The following CNTNAP3 variants were observed in gnomAD, a reference collection of about 807,000 sequenced individuals.
The protein encoded by CNTNAP3 is contactin associated protein family member 3, also known as contactin-associated protein-like 3.
CNTNAP3 carries 36 observed loss-of-function variants against 92.1 expected under a neutral mutation model. The ratio of observed to expected loss-of-function variants is 0.39; its 90% confidence interval spans 0.30 to 0.52. The LOEUF (loss-of-function observed/expected upper bound fraction) is 0.52, where lower values mean the gene tolerates loss of function less well. Ranked by LOEUF, CNTNAP3 falls within the 20% of genes least tolerant of loss-of-function variation. CNTNAP3 has a pLI of 0.76. For missense variants in CNTNAP3, 534 were observed against 1,069.6 expected (o/e 0.50, Z 6.98); for synonymous variants, 232 against 422.3 (o/e 0.55, Z 5.53).
Position 39,125,818 on chromosome 9 carries a change from A to G in CNTNAP3, c.2080+7114T>C, listed in dbSNP as rs545576617. Reference sequence around the variant, plus strand: ...ATGTGTATATACCTAGCAACAGAAGAGTCAAAATATATTAGGGGGAAACTG... The same window carrying G: ...ATGTGTATATACCTAGCAACAGAAGGGTCAAAATATATTAGGGGGAAACTG... On this transcript the variant is annotated intron_variant, in intron 13 of 23. Coordinates refer to ENST00000297668, the MANE Select transcript of CNTNAP3 (RefSeq NM_033655.5). 3.6e-4 allele frequency among the ~76,000 whole-genome samples: 55 copies of G among 152,280 alleles called. No homozygotes were observed. The East Asian group carries it at 0.01, about 28-fold the overall frequency.
intron 13 of CNTNAP3, among the ~76,000 whole-genome samples, chr9:39,124,350 G>A (rs1821106937): frequency 6.6e-6 from 1 of 152,080 alleles, no homozygotes; most frequent in Non-Finnish European, 1.5e-5. Flanking sequence ...CAAAAAATGT[G>A]ACAGGGGAAT....
At chr9:39,092,941 A>G (rs1826240977) in intron 18 of CNTNAP3, among the ~76,000 whole-genome samples, 1 of 144,624 alleles carries the variant, frequency 6.9e-6, no homozygotes, top group Admixed American at 6.8e-5. Context: ...TGAGGGAGTT[A>G]ACTTTTTATC....
intron 13 of CNTNAP3, among the ~76,000 whole-genome samples, chr9:39,119,355 CAAA>C (rs35344011): frequency 9.9e-6 from 1 of 101,264 alleles, no homozygotes. Flanking sequence ...GCCCCTCTGC[CAAA>C]AAAAAAAAAA....
At chr9:39,084,372 T>G (rs970657803) in intron 21 of CNTNAP3, among the ~76,000 whole-genome samples, 5 of 151,880 alleles carry the variant, frequency 3.3e-5, no homozygotes, top group African/African-American at 1.2e-4. Context: ...TTTTTTGTAT[T>G]TTTAGTAGAG....
At chr9:39,089,699 A>G (rs1587701431) in intron 18 of CNTNAP3, among the ~76,000 whole-genome samples, 2 of 149,406 alleles carry the variant, frequency 1.3e-5, no homozygotes, top group Non-Finnish European at 3.0e-5. Flanking sequence ...GAGGGTTTTA[A>G]TATCTCCACA....
rs1249055427 is a variant in CNTNAP3, at chr9:39,080,961, G to A, written c.3443-2041C>T. Among the ~76,000 whole-genome samples, 5 of 141,616 alleles carry A rather than the reference G, an allele frequency of 3.5e-5. 1 individual carries two copies. Among genetic ancestry groups the A allele is most frequent in the East Asian group, 2.3e-4 (1 of 4,368 alleles). The allele number at this position is 141,616 out of a possible 152,430, so 92.9% of individuals were successfully genotyped here. On this transcript the variant is annotated intron_variant, in intron 21 of 23. Coordinates refer to ENST00000297668, the MANE Select transcript of CNTNAP3 (RefSeq NM_033655.5). Reference sequence around the variant, plus strand: ...ATTACAGGCATGAGCCACTGCGCCCGGCCAGACTTCTCTTTAAAACCCTGA... The same window carrying A: ...ATTACAGGCATGAGCCACTGCGCCCAGCCAGACTTCTCTTTAAAACCCTGA...
At position 39,066,465 on chromosome 9, in the gene CNTNAP3, T is replaced by C. The variant is rs1033708859; in HGVS notation, c.*7425A>G. 6.6e-5 allele frequency among the ~76,000 whole-genome samples: 10 copies of C among 152,330 alleles called. No individual in the cohort carries two copies. Among genetic ancestry groups the C allele is most frequent in the Non-Finnish European group, 1.3e-4 (9 of 68,024 alleles). Reference sequence around the variant, plus strand: ...TCATTTCTTTGTGTGGATCCATGTTTCTATCTGCACAAAGATATTATTCTT... The same window carrying C: ...TCATTTCTTTGTGTGGATCCATGTTCCTATCTGCACAAAGATATTATTCTT... On this transcript the variant is annotated 3_prime_UTR_variant, in exon 24 of 24. Coordinates refer to ENST00000297668, the MANE Select transcript of CNTNAP3 (RefSeq NM_033655.5).
intron 16 of CNTNAP3, among the ~76,000 whole-genome samples, chr9:39,103,195 A>C (rs1218614751): frequency 6.6e-6 from 1 of 152,292 alleles, no homozygotes; most frequent in Non-Finnish European, 1.5e-5. Context: ...GTTTGGTTTA[A>C]AGCTCTGGCT....
At position 39,140,595 on chromosome 9, in the gene CNTNAP3, G is replaced by T. The variant is rs1821551708; in HGVS notation, c.1800C>A (p.Asn600Lys). 6 of 1,613,426 alleles carry T rather than the reference G, an allele frequency of 3.7e-6. No individual in the cohort carries two copies. The highest frequency in any genetic ancestry group is 2.2e-5 in the East Asian group (1 of 44,848). Reference protein sequence around the residue: ...QSCEAHKHRGNPSGLYYIDAD... With the variant: ...QSCEAHKHRGKPSGLYYIDAD... Reference sequence around the variant, plus strand: ...CATCAATATAGTAAAGCCCAGACGGGTTCCCTCGGTGCTTGTGGGCTTCAC... The same window carrying T: ...CATCAATATAGTAAAGCCCAGACGGTTTCCCTCGGTGCTTGTGGGCTTCAC... Residue 600 changes from asparagine to lysine, a missense_variant, in exon 12 of 24, where the codon AAC (asparagine) becomes AAA (lysine). Transcript: ENST00000297668.
chr9:39,140,675 T>A (rs1821554631), intron 11 of CNTNAP3, 37 bp from the exon 12 acceptor site: 2 of 1,556,006 alleles, frequency 1.3e-6, no homozygotes, highest in Non-Finnish European at 1.7e-6. Context: ...CCAGAAAAAA[T>A]ATCTCCAGAT....
rs1244472464 is a variant in CNTNAP3, at chr9:39,069,160, G to A, written c.*4730C>T. ...GATTGGAGCATATTATGGGAGCAAG[G>A]CAACCTGTAGAATTGGTCAGGAACT... On this transcript the variant is annotated 3_prime_UTR_variant, in exon 24 of 24. Transcript: ENST00000297668. Among the ~76,000 whole-genome samples the A allele has an allele frequency of 5.9e-5, 9 of 152,192 alleles. No homozygotes were observed. In the South Asian group the frequency reaches 1.7e-3, roughly 29 times the overall value.
At chr9:39,149,613 C>T (rs1821791670) in intron 10 of CNTNAP3, among the ~76,000 whole-genome samples, 193 bp downstream of exon 10, 1 of 151,932 alleles carries the variant, frequency 6.6e-6, no homozygotes, top group Admixed American at 6.6e-5. Context: ...GCCTCAGCCG[C>T]ATTACAGGTG....
At chr9:39,119,112 T>C (rs550784215) in intron 13 of CNTNAP3, among the ~76,000 whole-genome samples, 1 of 152,222 alleles carries the variant, frequency 6.6e-6, no homozygotes, top group East Asian at 1.9e-4. Flanking sequence ...GGCCACAAGT[T>C]GCAGTCATCA....
intron 21 of CNTNAP3, among the ~76,000 whole-genome samples, chr9:39,084,191 C>G (rs1826012697): frequency 2.1e-5 from 3 of 139,946 alleles, no homozygotes; most frequent in African/African-American, 5.2e-5. Context: ...AGATGCTCAC[C>G]AAGTTTTTTT....
At chr9:39,118,933 G>T (rs79897769) in intron 13 of CNTNAP3, among the ~76,000 whole-genome samples, 1 of 152,136 alleles carries the variant, frequency 6.6e-6, no homozygotes, top group South Asian at 2.1e-4. Flanking sequence ...TTAAATGATA[G>T]AGTCAGACAC....
intron 1 of CNTNAP3, among the ~76,000 whole-genome samples, chr9:39,287,230 C>A: frequency 2.3e-5 from 1 of 43,612 alleles, no homozygotes; most frequent in Admixed American, 2.7e-4. Context: ...GAATCATAGC[C>A]CATTCTAGAA....
chr9:39,132,630 T>C (rs1364969535), intron 13 of CNTNAP3, among the ~76,000 whole-genome samples: 1 of 152,118 alleles, frequency 6.6e-6, no homozygotes, highest in Non-Finnish European at 1.5e-5. Context: ...CCTACAGCCA[T>C]TATCTCCTCA....
At chr9:39,137,779 G>T (rs1318000560) in intron 12 of CNTNAP3, among the ~76,000 whole-genome samples, 1 of 152,184 alleles carries the variant, frequency 6.6e-6, no homozygotes, top group Admixed American at 6.5e-5. Context: ...CTCCCACAGT[G>T]CTGGGATTAC....
intron 13 of CNTNAP3, among the ~76,000 whole-genome samples, chr9:39,125,457 T>C (rs567710587): frequency 1.8e-4 from 27 of 152,010 alleles, no homozygotes; most frequent in Non-Finnish European, 3.7e-4. Context: ...TGGATACATA[T>C]GTAACAAACC....
Sources: gnomAD v4.1 joint callset for allele counts (sites outside exome capture counted in the v4.1 genomes callset) on GRCh38, gnomAD v4.1.1 for gene constraint, MANE v1.5 for transcripts, NCBI Gene and HGNC (gene_info 2026-07-23, HGNC 2026-07-21) for gene names.